CCSER1: variants seen among roughly 807,000 people sequenced by gnomAD.
CCSER1 encodes serine-rich coiled-coil domain-containing protein 1.
CCSER1 carries 41 observed loss-of-function variants against 82.0 expected under a neutral mutation model. The observed-to-expected ratio is 0.50, with a 90% CI of 0.39 to 0.65. The LOEUF is 0.65. Among genes scored for constraint, CCSER1 ranks in the 30% least tolerant of loss-of-function variants. The pLI, the probability that CCSER1 is intolerant of heterozygous loss-of-function variation, is 0.00. For synonymous variants in CCSER1, 414 were observed against 383.9 expected (o/e 1.08, Z -0.92); for missense variants, 1,119 against 1,064.2 (o/e 1.05, Z -0.72).
chr4:90,916,356 G>A (rs1421888567), intron 8 of CCSER1, among the ~76,000 whole-genome samples: 2 of 152,030 alleles, frequency 1.3e-5, no homozygotes, highest in African/African-American at 4.8e-5. Context: ...CAGATATAAT[G>A]CCACATATCT....
At chr4:91,463,104 C>A (rs1465952085) in intron 10 of CCSER1, among the ~76,000 whole-genome samples, 1 of 152,146 alleles carries the variant, frequency 6.6e-6, no homozygotes, top group Non-Finnish European at 1.5e-5. Flanking sequence ...TGGGAGGCAC[C>A]CCCCAGTAGA....
intron 10 of CCSER1, among the ~76,000 whole-genome samples, chr4:91,388,256 C>T (rs554899392): frequency 6.6e-6 from 1 of 151,794 alleles, no homozygotes; most frequent in South Asian, 2.1e-4. Context: ...TCAGAGATCC[C>T]CTTTGTTAAA....
intron 7 of CCSER1, among the ~76,000 whole-genome samples, chr4:90,754,440 T>C (rs922719409): frequency 6.6e-6 from 1 of 152,184 alleles, no homozygotes; most frequent in Non-Finnish European, 1.5e-5. Flanking sequence ...TATTCTGTGA[T>C]GATACTCAGT....
intron 10 of CCSER1, among the ~76,000 whole-genome samples, chr4:91,247,322 G>A (rs1418446949): frequency 6.6e-6 from 1 of 150,974 alleles, no homozygotes; most frequent in African/African-American, 2.4e-5. Context: ...AAAAAGCCTG[G>A]AATTAAAGAA....
chr4:91,523,796 C>T (rs1008332855), intron 10 of CCSER1, among the ~76,000 whole-genome samples: 1 of 152,042 alleles, frequency 6.6e-6, no homozygotes, highest in African/African-American at 2.4e-5. Context: ...AGCAGTCTAT[C>T]AATTTTGTTC....
At chr4:91,000,818 G>C (rs1737972546) in intron 9 of CCSER1, among the ~76,000 whole-genome samples, 1 of 152,116 alleles carries the variant, frequency 6.6e-6, no homozygotes, top group Admixed American at 6.5e-5. Flanking sequence ...AGTTCCAGGA[G>C]TTTTCTGGCA....
chr4:91,402,607 A>T (rs574437373), intron 10 of CCSER1, among the ~76,000 whole-genome samples: 1 of 152,256 alleles, frequency 6.6e-6, no homozygotes, highest in Non-Finnish European at 1.5e-5. Context: ...TCAGCTTTCT[A>T]CATATGGCTA....
At chr4:91,482,991 G>A (rs1409265868) in intron 10 of CCSER1, among the ~76,000 whole-genome samples, 3 of 152,014 alleles carry the variant, frequency 2.0e-5, no homozygotes, top group African/African-American at 7.3e-5. Flanking sequence ...TATACCTAAT[G>A]TAAATGAGGA....
intron 10 of CCSER1, among the ~76,000 whole-genome samples, chr4:91,225,477 GGATA>G (rs1322616361): frequency 2.0e-5 from 3 of 147,728 alleles, no homozygotes; most frequent in African/African-American, 7.4e-5. Flanking sequence ...TAATTATGAT[GGATA>G]GATACCTACA....
chr4:91,060,288 CATTT>C (rs1313232303), intron 9 of CCSER1, among the ~76,000 whole-genome samples: 1 of 151,912 alleles, frequency 6.6e-6, no homozygotes, highest in African/African-American at 2.4e-5. Context: ...AGAAATAAAA[CATTT>C]ATTAGGAAAT....
chr4:91,132,096 G>A (rs1389287759), intron 10 of CCSER1, among the ~76,000 whole-genome samples: 2 of 151,960 alleles, frequency 1.3e-5, no homozygotes, highest in African/African-American at 4.8e-5. Flanking sequence ...AAGGCCCAGT[G>A]CACTCTGATA....
At chr4:90,960,175 C>G (rs1733922511) in intron 9 of CCSER1, among the ~76,000 whole-genome samples, 1 of 151,456 alleles carries the variant, frequency 6.6e-6, no homozygotes, top group South Asian at 2.1e-4. Context: ...ATTAATCATT[C>G]ATTTTTTTTA....
At chr4:91,001,006 G>T (rs1024905637) in intron 9 of CCSER1, among the ~76,000 whole-genome samples, 3 of 151,904 alleles carry the variant, frequency 2.0e-5, no homozygotes, top group Non-Finnish European at 2.9e-5. Context: ...TGTTCCAGGG[G>T]AATGCTTTCA....
At chr4:90,902,278 T>C (rs1314180678) in intron 8 of CCSER1, among the ~76,000 whole-genome samples, 1 of 152,062 alleles carries the variant, frequency 6.6e-6, no homozygotes, top group Non-Finnish European at 1.5e-5. Flanking sequence ...TTTTGAATTA[T>C]TCATATGTCA....
At chr4:90,949,541 C>T (rs1193106543) in intron 9 of CCSER1, among the ~76,000 whole-genome samples, 1 of 151,932 alleles carries the variant, frequency 6.6e-6, no homozygotes, top group East Asian at 1.9e-4. Flanking sequence ...ACTAAATTCC[C>T]AACTGGAGTT....
At chr4:90,159,748 G>A (rs1729076738) in intron 1 of CCSER1, among the ~76,000 whole-genome samples, 1 of 152,160 alleles carries the variant, frequency 6.6e-6, no homozygotes, top group African/African-American at 2.4e-5. Context: ...CAGGTGGTCA[G>A]TATTCTGTTC....
intron 7 of CCSER1, among the ~76,000 whole-genome samples, chr4:90,814,764 A>G (rs528909156): frequency 6.6e-6 from 1 of 152,290 alleles, no homozygotes; most frequent in South Asian, 2.1e-4. Context: ...CCAGTTCCCA[A>G]TAAGTTCCTT....
At chr4:91,579,107 C>CTAT (rs1193785795) in intron 10 of CCSER1, among the ~76,000 whole-genome samples, 7 of 151,400 alleles carry the variant, frequency 4.6e-5, no homozygotes, top group East Asian at 1.9e-4. Flanking sequence ...TCATCCTTTA[C>CTAT]TATTATTATT....
At chr4:90,528,083 T>C (rs1487889831) in intron 5 of CCSER1, among the ~76,000 whole-genome samples, 1 of 152,200 alleles carries the variant, frequency 6.6e-6, no homozygotes, top group African/African-American at 2.4e-5. Context: ...TTGCTTCATA[T>C]TTGATTTATG....
Sources: allele counts gnomAD v4.1 joint callset (sites outside exome capture counted in the v4.1 genomes callset), GRCh38; gene constraint gnomAD v4.1.1; transcripts MANE v1.5; gene names NCBI Gene and HGNC (gene_info 2026-07-23, HGNC 2026-07-21).